SYNPR: variants seen among roughly 807,000 people sequenced by gnomAD.
The protein encoded by SYNPR is synaptoporin.
A neutral mutation model predicts 32.9 loss-of-function variants in SYNPR; 23 were observed. That is an observed-to-expected ratio of 0.70 (90% CI 0.50 to 0.99). The LOEUF is 0.99. Among genes scored for constraint, SYNPR ranks in the 50% least tolerant of loss-of-function variants. The pLI, the probability that SYNPR is intolerant of heterozygous loss-of-function variation, is 0.00. For missense variants in SYNPR, 318 were observed against 349.3 expected (o/e 0.91, Z 0.71); for synonymous variants, 146 against 135.9 (o/e 1.07, Z -0.52).
chr3:63,509,741 G>A (rs1230272364), intron 3 of SYNPR, among the ~76,000 whole-genome samples: 1 of 151,978 alleles, frequency 6.6e-6, no homozygotes, highest in African/African-American at 2.4e-5. Context: ...AGACAATAAA[G>A]GTTATTATAT....
intron 2 of SYNPR, among the ~76,000 whole-genome samples, chr3:63,395,621 C>A (rs189003597): frequency 5.3e-5 from 8 of 152,286 alleles, no homozygotes; most frequent in African/African-American, 1.9e-4. Flanking sequence ...GCTCACCTTA[C>A]CTGTGCTAGT....
intron 2 of SYNPR, 88 bp from the exon 3 acceptor site, chr3:63,480,744 A>G (rs1032837124): frequency 2.2e-5 from 33 of 1,494,372 alleles, no homozygotes; most frequent in Non-Finnish European, 2.6e-5. Flanking sequence ...AATTCCCTCA[A>G]TCCAGACATT....
At position 63,594,067 on chromosome 3, in the gene SYNPR, C is replaced by A. The variant is rs188825494; in HGVS notation, c.409-15058C>A. Among the ~76,000 whole-genome samples, 8 of 152,312 alleles carry A rather than the reference C, an allele frequency of 5.3e-5. No homozygotes were observed. The East Asian group carries it at 9.7e-4, about 18-fold the overall frequency. On this transcript the variant is annotated intron_variant, in intron 4 of 5. Coordinates refer to ENST00000478300, the MANE Select transcript of SYNPR (RefSeq NM_001130003.2). ...CCCAACCTCTCTATTTACTTAACTT[C>A]TCTGATCTTTTCCTTCTTCATTTGT... is the stretch of plus-strand genomic sequence containing the variant.
At position 63,269,682 on chromosome 3, in the gene SYNPR, T is replaced by G. The variant is rs187268754; in HGVS notation, n.287+2233T>G. On this transcript the variant is annotated intron_variant and non_coding_transcript_variant, in intron 3 of 4. Coordinates refer to the SYNPR transcript ENST00000478456. ...ACATTCTGTACCACAAATATCTACC[T>G]ACTGCTCTACACAGAACCGATATTC... Among the ~76,000 whole-genome samples, 374 of 152,210 alleles carry G rather than the reference T, an allele frequency of 2.5e-3. 1 individual carries two copies. The highest frequency in any genetic ancestry group is 8.6e-3 in the African/African-American group (358 of 41,544).
At chr3:63,602,392 C>A (rs1700057750) in intron 4 of SYNPR, among the ~76,000 whole-genome samples, 1 of 152,082 alleles carries the variant, frequency 6.6e-6, no homozygotes, top group Non-Finnish European at 1.5e-5. Context: ...ATCACAATTG[C>A]TTTTGGTGTT....
At chr3:63,278,802 G>T in intron 2 of SYNPR, 60 bp downstream of exon 2, 1 of 1,513,258 alleles carries the variant, frequency 6.6e-7, no homozygotes, top group East Asian at 2.5e-5. Context: ...GGTGAGGAGA[G>T]GTCGGATGGG....
rs1172471425 is a variant in SYNPR at position 63,356,692 on chromosome 3, T to C, written c.84+77950T>C. ...AAAGCCAAATGGTCACACTCACCTT[T>C]CCGGTCCCCATGTCTATATGTTCCT... On this transcript the variant is annotated intron_variant, in intron 2 of 5. Transcript: ENST00000478300. Among the ~76,000 whole-genome samples, 4 of 152,202 alleles carry C rather than the reference T, an allele frequency of 2.6e-5. No individual in the cohort carries two copies. In the East Asian group the frequency reaches 5.8e-4, roughly 22 times the overall value.
intron 1 of SYNPR, among the ~76,000 whole-genome samples, chr3:63,250,600 T>A (rs2086323782): frequency 1.3e-5 from 2 of 152,178 alleles, no homozygotes; most frequent in South Asian, 4.1e-4. Context: ...ATAAGTGGAA[T>A]CCAAATTTTG....
intron 2 of SYNPR, among the ~76,000 whole-genome samples, chr3:63,293,510 G>A (rs965793371): frequency 3.3e-5 from 5 of 152,140 alleles, no homozygotes; most frequent in African/African-American, 1.2e-4. Context: ...CAAAAATGAT[G>A]TATTAGTTTG....
chr3:63,359,759 CT>C (rs1320740805), intron 2 of SYNPR, among the ~76,000 whole-genome samples: 1 of 152,184 alleles, frequency 6.6e-6, no homozygotes, highest in Admixed American at 6.5e-5. Flanking sequence ...CTTTGTGATT[CT>C]AGTCAAGTTT....
At chr3:63,258,785 C>G (rs1012523589) in intron 2 of SYNPR, among the ~76,000 whole-genome samples, 4 of 152,108 alleles carry the variant, frequency 2.6e-5, no homozygotes, top group Non-Finnish European at 4.4e-5. Flanking sequence ...AATCCAGGAG[C>G]TGGTTTTTTG....
At position 63,419,319 on chromosome 3, in the gene SYNPR, G is replaced by A. The variant is rs371700948; in HGVS notation, c.85-61513G>A. Among the ~76,000 whole-genome samples the A allele has an allele frequency of 2.0e-5, 3 of 152,218 alleles. No homozygotes were observed. The East Asian group carries it at 5.8e-4, about 29-fold the overall frequency. ...GCTATAGCCATCAAAACTGAACTAG[G>A]ACCAGACAAACTCTAATATCCCTTA... On this transcript the variant is annotated intron_variant, in intron 2 of 5. Transcript: ENST00000478300.
chr3:63,494,595 C>T (rs1701337318), intron 3 of SYNPR, among the ~76,000 whole-genome samples: 1 of 150,894 alleles, frequency 6.6e-6, no homozygotes, highest in Non-Finnish European at 1.5e-5. Context: ...AAAAAGGCCA[C>T]TATTGATAAG....
chr3:63,389,442 T>C (rs1238014253), intron 2 of SYNPR, among the ~76,000 whole-genome samples: 1 of 152,174 alleles, frequency 6.6e-6, no homozygotes, highest in Non-Finnish European at 1.5e-5. Context: ...CAGATTCAGT[T>C]CTGAGCAGAA....
At chr3:63,546,567 T>C (rs1702407128) in intron 3 of SYNPR, among the ~76,000 whole-genome samples, 1 of 152,092 alleles carries the variant, frequency 6.6e-6, no homozygotes, top group Admixed American at 6.6e-5. Flanking sequence ...GAAAAGAGTA[T>C]TGTTTGCAGT....
Position 63,556,411 on chromosome 3 carries a change from T to G in SYNPR, c.210-132T>G, listed in dbSNP as rs1158077672. On this transcript the variant is annotated intron_variant, in intron 3 of 5. Transcript: ENST00000478300. ...GCTATAATGTCTGTAAATTTCTTAA[T>G]GAATATGTTACATAGGCATGCACTA... is the stretch of plus-strand genomic sequence containing the variant. 1.1e-5 allele frequency: 7 copies of G among 663,174 alleles called. No homozygotes were observed. The South Asian group carries it at 1.8e-4, about 17-fold the overall frequency. The allele number at this position is 663,174 out of a possible 1,614,324, so 41.1% of individuals were successfully genotyped here. A position where few individuals can be genotyped will look rare whatever the true frequency, so the allele number is the denominator to read the frequency against.
At chr3:63,554,193 T>C (rs1702556426) in intron 3 of SYNPR, among the ~76,000 whole-genome samples, 1 of 152,254 alleles carries the variant, frequency 6.6e-6, no homozygotes, top group South Asian at 2.1e-4. Context: ...TCATAGTTTA[T>C]TTTCCTGTGC....
At chr3:63,551,972 G>C (rs1023330801) in intron 3 of SYNPR, among the ~76,000 whole-genome samples, 1 of 151,752 alleles carries the variant, frequency 6.6e-6, no homozygotes, top group African/African-American at 2.4e-5. Flanking sequence ...GTTTTGGCTC[G>C]CTGCAACCTC....
At chr3:63,357,223 T>C (rs1050021085) in intron 2 of SYNPR, among the ~76,000 whole-genome samples, 1 of 152,194 alleles carries the variant, frequency 6.6e-6, no homozygotes. Context: ...ACAGCTGCTC[T>C]GGTGCTCACA....
Sources: gnomAD v4.1 joint callset for allele counts (sites outside exome capture counted in the v4.1 genomes callset) on GRCh38, gnomAD v4.1.1 for gene constraint, MANE v1.5 for transcripts, NCBI Gene and HGNC (gene_info 2026-07-23, HGNC 2026-07-21) for gene names.